Variants in PRKG1 observed in about 807,000 individuals in gnomAD.
PRKG1 encodes protein kinase cGMP-dependent 1.
In PRKG1, 35 loss-of-function variants were observed where a neutral mutation model predicts 88.1. That is an observed-to-expected ratio of 0.40 (90% CI 0.30 to 0.53). PRKG1 has a LOEUF of 0.53. Among genes scored for constraint, PRKG1 ranks in the 20% least tolerant of loss-of-function variants. PRKG1 has a pLI of 0.59. For synonymous variants in PRKG1, 303 were observed against 292.5 expected, an observed-to-expected ratio of 1.04 and a Z score of -0.37; for missense variants, 540 against 839.8, an observed-to-expected ratio of 0.64 and a Z score of 4.41.
At chr10:51,683,150 G>A (rs1038710609) in intron 3 of PRKG1, among the ~76,000 whole-genome samples, 2 of 152,134 alleles carry the variant, frequency 1.3e-5, no homozygotes, top group African/African-American at 2.4e-5. Context: ...GTAAGCACAT[G>A]AAAATGCTGA....
intron 4 of PRKG1, among the ~76,000 whole-genome samples, chr10:51,839,534 A>G (rs890091226): frequency 6.6e-6 from 1 of 152,224 alleles, no homozygotes; most frequent in African/African-American, 2.4e-5. Flanking sequence ...CATATGGGTA[A>G]TATTTTTGAA....
chr10:51,467,409 C>T (rs369581956), intron 2 of PRKG1, among the ~76,000 whole-genome samples: 6 of 151,834 alleles, frequency 4.0e-5, no homozygotes, highest in South Asian at 2.1e-4. Flanking sequence ...TTCAAAATTA[C>T]GTTAAAATTG....
At chr10:51,073,757 G>A (rs1177368021), upstream of PRKG1, among the ~76,000 whole-genome samples, 1 of 152,134 alleles carries the variant, frequency 6.6e-6, no homozygotes, top group Non-Finnish European at 1.5e-5. Context: ...CCCAAAGGTA[G>A]TAGGCTGAAA....
intron 1 of PRKG1, among the ~76,000 whole-genome samples, chr10:51,137,578 A>G (rs1845719796): frequency 6.6e-6 from 1 of 152,216 alleles, no homozygotes; most frequent in African/African-American, 2.4e-5. Context: ...CACTGATACC[A>G]GTATAATGAA....
chr10:51,887,463 C>T (rs1392595316), intron 4 of PRKG1, among the ~76,000 whole-genome samples: 1 of 126,164 alleles, frequency 7.9e-6, no homozygotes, highest in Non-Finnish European at 1.7e-5. Context: ...TACAGTAGTT[C>T]TATTTTAAAT....
chr10:51,809,987 A>G (rs1458240421), intron 4 of PRKG1, among the ~76,000 whole-genome samples: 2 of 152,220 alleles, frequency 1.3e-5, no homozygotes, highest in South Asian at 4.1e-4. Context: ...AATAAAGATT[A>G]TCTCAAGAGA....
intron 3 of PRKG1, among the ~76,000 whole-genome samples, chr10:51,614,619 C>G (rs1396880854): frequency 6.6e-6 from 1 of 151,578 alleles, no homozygotes; most frequent in East Asian, 1.9e-4. Context: ...CTTTCTTTTT[C>G]TTTTATTGTT....
chr10:52,097,301 A>G (rs1240939923), intron 7 of PRKG1, among the ~76,000 whole-genome samples: 1 of 152,136 alleles, frequency 6.6e-6, no homozygotes, highest in East Asian at 1.9e-4. Context: ...AAAAGAAGGT[A>G]AGAATGAGTT....
In PRKG1 at chr10:51,392,742, C is replaced by T. The variant is rs1190818251; in HGVS notation, c.479-74981C>T. 1.3e-4 allele frequency among the ~76,000 whole-genome samples: 18 copies of T among 141,478 alleles called. 1 individual carries two copies. Among genetic ancestry groups the T allele is most frequent in the Middle Eastern group, 3.7e-3 (1 of 268 alleles). The allele number at this position is 141,478 out of a possible 152,430, so 92.8% of individuals were successfully genotyped here. A position where few individuals can be genotyped will look rare whatever the true frequency, so the allele number is the denominator to read the frequency against. ...GGCGCCCCTCACCTCCCGGACGGGG[C>T]GGCTGGCCGGGCGGGGGGCTGACCA... is the stretch of plus-strand genomic sequence containing the variant. On this transcript the variant is annotated intron_variant, in intron 2 of 17. Transcript: ENST00000373980.
chr10:51,735,909 T>G (rs1483346779), intron 3 of PRKG1, among the ~76,000 whole-genome samples: 1 of 115,600 alleles, frequency 8.7e-6, no homozygotes, highest in Non-Finnish European at 1.8e-5. Context: ...TTATTTATTT[T>G]TCCCTCCAAC....
intron 2 of PRKG1, among the ~76,000 whole-genome samples, chr10:51,154,894 A>T (rs539334231): frequency 6.6e-6 from 1 of 152,150 alleles, no homozygotes; most frequent in African/African-American, 2.4e-5. Flanking sequence ...AGGATGGAAA[A>T]GTGGCAAAAA....
chr10:51,915,694 C>T (rs551867684), intron 5 of PRKG1, among the ~76,000 whole-genome samples: 1 of 152,170 alleles, frequency 6.6e-6, no homozygotes, highest in Admixed American at 6.5e-5. Flanking sequence ...AAAATATTTG[C>T]TAATTATAGG....
chr10:51,843,321 T>G (rs1840325744), intron 4 of PRKG1, among the ~76,000 whole-genome samples: 1 of 152,184 alleles, frequency 6.6e-6, no homozygotes, highest in Non-Finnish European at 1.5e-5. Context: ...AGAAAGTTCA[T>G]GTGATCAACA....
At chr10:51,561,066 G>GTGAGACCC (rs1406503227) in intron 3 of PRKG1, among the ~76,000 whole-genome samples, 18 of 151,622 alleles carry the variant, frequency 1.2e-4, no homozygotes, top group Admixed American at 6.6e-5. Flanking sequence ...GGGTAACATA[G>GTGAGACCC]TGAGACCCTG....
chr10:51,567,768 G>A (rs1307742684), intron 3 of PRKG1, among the ~76,000 whole-genome samples: 3 of 151,942 alleles, frequency 2.0e-5, no homozygotes, highest in East Asian at 1.9e-4. Flanking sequence ...TGTATTTTTT[G>A]TAGAGATGGG....
chr10:52,193,699 A>G (rs1379200412), intron 9 of PRKG1, among the ~76,000 whole-genome samples: 1 of 152,206 alleles, frequency 6.6e-6, no homozygotes, highest in African/African-American at 2.4e-5. Flanking sequence ...AACAACATCA[A>G]CAAATAACTT....
chr10:52,129,065 AC>A (rs2132625927), intron 7 of PRKG1, among the ~76,000 whole-genome samples: 2 of 152,288 alleles, frequency 1.3e-5, no homozygotes, highest in Non-Finnish European at 2.9e-5. Flanking sequence ...ATTATTAAAT[AC>A]CCTGATCTGT....
intron 8 of PRKG1, among the ~76,000 whole-genome samples, chr10:52,141,834 A>T (rs1175923014): frequency 6.6e-6 from 1 of 152,150 alleles, no homozygotes; most frequent in Non-Finnish European, 1.5e-5. Context: ...TACAAACCAG[A>T]GCTTACCAAG....
At chr10:51,168,575 G>A (rs1846612486) in intron 2 of PRKG1, among the ~76,000 whole-genome samples, 1 of 152,086 alleles carries the variant, frequency 6.6e-6, no homozygotes, top group Non-Finnish European at 1.5e-5. Flanking sequence ...ATAGCATAAG[G>A]AAGTCTGGAG....
Sources: allele counts gnomAD v4.1 joint callset (sites outside exome capture counted in the v4.1 genomes callset), GRCh38; gene constraint gnomAD v4.1.1; transcripts MANE v1.5; gene names NCBI Gene and HGNC (gene_info 2026-07-23, HGNC 2026-07-21).